Variants in ADAMTS13 observed in about 807,000 individuals in gnomAD.
ADAMTS13 encodes the protein ADAM metallopeptidase with thrombospondin type 1 motif 13.
Under a neutral mutation model 155.1 loss-of-function variants are expected in ADAMTS13, and 110 were observed. The ratio of observed to expected loss-of-function variants is 0.71; its 90% CI spans 0.61 to 0.83. The LOEUF (loss-of-function observed/expected upper bound fraction) is 0.83. Among genes scored for constraint, ADAMTS13 ranks in the 40% least tolerant of loss-of-function variants. The pLI, the probability that ADAMTS13 is intolerant of heterozygous loss-of-function variation, is 0.00. For synonymous variants in ADAMTS13, 758 were observed against 756.4 expected (o/e 1.00, Z -0.03); for missense variants, 1,707 against 1,891.7 (o/e 0.90, Z 1.81).
intron 14 of ADAMTS13, among the ~76,000 whole-genome samples, chr9:133,438,768 G>C (rs28393999): frequency 0.26 from 39,128 of 151,858 alleles, 6,358 homozygotes; most frequent in South Asian, 0.41. Flanking sequence ...ACAAAAATTA[G>C]CTGGGCATGA....
intron 8 of ADAMTS13, 26 bp downstream of exon 8, chr9:133,430,127 A>T (rs781870655): frequency 6.4e-7 from 1 of 1,561,610 alleles, no homozygotes; most frequent in Non-Finnish European, 8.6e-7. Flanking sequence ...GTGGCCTGGG[A>T]TTGGCTGTGA....
upstream of ADAMTS13, among the ~76,000 whole-genome samples, chr9:133,420,325 G>T (rs889497689): frequency 1.3e-5 from 2 of 152,232 alleles, no homozygotes; most frequent in Non-Finnish European, 2.9e-5. Context: ...AAAGTGCTGG[G>T]ATTAAAGGCG....
chr9:133,442,815 T>C (rs1455768303), intron 18 of ADAMTS13, 72 bp downstream of exon 18: 6 of 1,528,862 alleles, frequency 3.9e-6, no homozygotes, highest in Non-Finnish European at 5.3e-6. Context: ...GCTCTGTCCC[T>C]GGCCTATGGG....
At chr9:133,428,841 C>G (rs963520231) in intron 7 of ADAMTS13, 70 bp downstream of exon 7, 6 of 1,206,622 alleles carry the variant, frequency 5.0e-6, no homozygotes, top group African/African-American at 1.6e-5. Flanking sequence ...CGCCACCTCT[C>G]TCTACGTCCG....
At chr9:133,421,305 T>C (rs974391527), upstream of ADAMTS13, among the ~76,000 whole-genome samples, 2 of 152,138 alleles carry the variant, frequency 1.3e-5, no homozygotes, top group Non-Finnish European at 2.9e-5. Flanking sequence ...GGAGAGTCAT[T>C]CATGCTGATG....
At chr9:133,433,072 A>G (rs1361226923) in intron 9 of ADAMTS13, among the ~76,000 whole-genome samples, 14 of 56,698 alleles carry the variant, frequency 2.5e-4, no homozygotes, top group South Asian at 6.8e-4. Flanking sequence ...CTGTGTGTTG[A>G]GGGGTCCCTG....
chr9:133,414,872 C>A, intron 1 of ADAMTS13: 1 of 1,614,166 alleles, frequency 6.2e-7, no homozygotes, highest in Non-Finnish European at 8.5e-7. Flanking sequence ...CTGGTCTTTT[C>A]CTGCCGGCAT....
Position 133,455,868 on chromosome 9 carries a change from T to G in ADAMTS13, c.3401-201T>G, listed in dbSNP as rs1450295082. On this transcript the variant is annotated intron_variant, in intron 25 of 28. Coordinates refer to ENST00000355699, the MANE Select transcript of ADAMTS13 (RefSeq NM_139027.6). The stretch of plus-strand genomic sequence containing the variant: ...GCATGTGCCCCCTCTTGCTGGATCA[T>G]CTGGTAGCAGCCCTGTGCCCTGAGG... The G allele has an allele frequency of 3.8e-6, 3 of 786,218 alleles. No individual in the cohort carries two copies. In the African/African-American group the frequency reaches 5.1e-5, roughly 13 times the overall value. 48.7% of individuals were successfully genotyped at this position (786,218 alleles called of 1,614,324 possible).
intron 7 of ADAMTS13, chr9:133,429,626 A>G (rs1000259246): frequency 8.6e-6 from 4 of 466,756 alleles, no homozygotes; most frequent in East Asian, 4.6e-5. Context: ...ACCCGCGTAC[A>G]TGTATCCCTG....
rs1842776175 is a variant in ADAMTS13 at position 133,456,807 on chromosome 9, A to C, written c.3724+88A>C. On this transcript the variant is annotated intron_variant, in intron 27 of 28. Transcript: ENST00000355699. This position sits in a 1 kb window ranked among gnomAD's most constrained non-coding sequence, Gnocchi z 4.4. ...TGCTGCTGGGGATGGGGCCAGTCCC[A>C]GTGGGGCAGTGGGAAGATACGGAGG... 3.4e-6 allele frequency: 5 copies of C among 1,462,694 alleles called. No homozygotes were observed. Among genetic ancestry groups the C allele is most frequent in the South Asian group, 1.2e-5 (1 of 82,042 alleles). 90.6% of individuals were successfully genotyped at this position (1,462,694 alleles called of 1,614,324 possible). A position where few individuals can be genotyped will look rare whatever the true frequency, so the allele number is the denominator to read the frequency against.
At chr9:133,446,433 C>G (rs782473659) in intron 21 of ADAMTS13, among the ~76,000 whole-genome samples, 1 of 152,196 alleles carries the variant, frequency 6.6e-6, no homozygotes, top group Non-Finnish European at 1.5e-5. Context: ...AATCATATAG[C>G]ATTTGCCTTT....
chr9:133,429,783 C>A, intron 7 of ADAMTS13, 156 bp from the exon 8 acceptor site: 1 of 1,028,942 alleles, frequency 9.7e-7, no homozygotes. Flanking sequence ...AGCCAAGAGC[C>A]GGCTCCTGGT....
intron 28 of ADAMTS13, 114 bp from the exon 29 acceptor site, chr9:133,458,860 G>A: frequency 2.0e-6 from 2 of 979,556 alleles, no homozygotes; most frequent in Non-Finnish European, 3.2e-6. Flanking sequence ...TCCTAGTAGG[G>A]CTTTGTAAGC....
Position 133,426,079 on chromosome 9 carries a change from A to T in ADAMTS13, c.539+17A>T. 6.2e-7 allele frequency: 1 copy of T among 1,613,840 alleles called. No individual in the cohort carries two copies. Among genetic ancestry groups the T allele is most frequent in the Non-Finnish European group, 8.5e-7 (1 of 1,180,010 alleles). On this transcript the variant is annotated intron_variant, in intron 5 of 28. Transcript: ENST00000355699. ...TATCACTAGGTAGCCGAGCTTTCTG[A>T]TGGGTGCTGGCCAGCCAGCCTGGGA...
intron 28 of ADAMTS13, 42 bp downstream of exon 28, chr9:133,458,136 C>T (rs1842852992): frequency 6.2e-7 from 1 of 1,605,586 alleles, no homozygotes; most frequent in Non-Finnish European, 8.5e-7. Context: ...TTCTGGACAG[C>T]TTTCCCTAGG....
At chr9:133,455,552 C>G in intron 25 of ADAMTS13, 117 bp downstream of exon 25, 1 of 1,609,500 alleles carries the variant, frequency 6.2e-7, no homozygotes, top group Non-Finnish European at 8.5e-7. Flanking sequence ...CTCCCCGGCT[C>G]CCCAGCCTCG....
rs1840093313 is a variant in ADAMTS13 at position 133,423,623 on chromosome 9, G to A, written c.172+456G>A. 5.3e-5 allele frequency among the ~76,000 whole-genome samples: 8 copies of A among 152,220 alleles called. No homozygotes were observed. The South Asian group carries it at 1.7e-3, about 32-fold the overall frequency. On this transcript the variant is annotated intron_variant, in intron 2 of 28. Coordinates refer to ENST00000355699, the MANE Select transcript of ADAMTS13 (RefSeq NM_139027.6). Reference sequence around the variant, plus strand: ...GCCCATGTCTGTGACCTTCTCCGGTGCGAGCCCCCTTCCCAGTAGGGCCAT... The same window carrying A: ...GCCCATGTCTGTGACCTTCTCCGGTACGAGCCCCCTTCCCAGTAGGGCCAT...
chr9:133,426,533 TC>T (rs1159020309), intron 6 of ADAMTS13, among the ~76,000 whole-genome samples, 188 bp downstream of exon 6: 1 of 152,196 alleles, frequency 6.6e-6, no homozygotes, highest in Non-Finnish European at 1.5e-5. Context: ...GAACTTTTTT[TC>T]CAAAAGACGA....
At chr9:133,454,121 T>G (rs1291397895) in intron 23 of ADAMTS13, among the ~76,000 whole-genome samples, 1 of 152,044 alleles carries the variant, frequency 6.6e-6, no homozygotes, top group Non-Finnish European at 1.5e-5. Context: ...GTTACTTGGG[T>G]CCATAGGCAA....
Sources: allele counts gnomAD v4.1 joint callset (sites outside exome capture counted in the v4.1 genomes callset), GRCh38; gene constraint gnomAD v4.1.1; non-coding constraint Gnocchi (gnomAD v3.1); transcripts MANE v1.5; gene names NCBI Gene and HGNC (gene_info 2026-07-23, HGNC 2026-07-21).